The following GAB1 variants were observed in gnomAD, a reference collection of about 807,000 sequenced individuals.
GAB1 encodes GRB2-associated-binding protein 1.
Under a neutral mutation model 66.5 loss-of-function variants are expected in GAB1, and 19 were observed. The observed-to-expected ratio is 0.29, with a 90% CI of 0.20 to 0.42. The LOEUF (loss-of-function observed/expected upper bound fraction) is 0.42. Ranked by LOEUF, GAB1 falls within the 10% of genes least tolerant of loss-of-function variation. GAB1 has a pLI of 1.00. For missense variants in GAB1, 732 were observed against 858.5 expected (o/e 0.85, Z 1.84); for synonymous variants, 294 against 301.4 (o/e 0.98, Z 0.25).
intron 1 of GAB1, among the ~76,000 whole-genome samples, chr4:143,346,176 T>A (rs1016053110): frequency 6.6e-6 from 1 of 152,258 alleles, no homozygotes; most frequent in Non-Finnish European, 1.5e-5. Context: ...TCCCAATCTT[T>A]ACACACACAT....
chr4:143,378,015 C>T (rs1387191712), intron 1 of GAB1, among the ~76,000 whole-genome samples: 2 of 152,064 alleles, frequency 1.3e-5, no homozygotes, highest in Non-Finnish European at 2.9e-5. Context: ...TATTAGCCCT[C>T]AAAGATTATT....
intron 9 of GAB1, among the ~76,000 whole-genome samples, chr4:143,468,185 T>TCATGGAAG (rs1168794421): frequency 2.4e-4 from 36 of 151,290 alleles, no homozygotes; most frequent in African/African-American, 8.2e-4. Flanking sequence ...ATTTCATCTG[T>TCATGGAAG]CATGGAAGCA....
At chr4:143,394,637 A>G (rs945336078) in intron 1 of GAB1, among the ~76,000 whole-genome samples, 2 of 152,104 alleles carry the variant, frequency 1.3e-5, no homozygotes, top group Admixed American at 6.6e-5. Flanking sequence ...ATCATCATCA[A>G]ACATTTTTTG....
chr4:143,382,984 A>G (rs1161696412), intron 1 of GAB1, among the ~76,000 whole-genome samples: 1 of 152,214 alleles, frequency 6.6e-6, no homozygotes, highest in East Asian at 1.9e-4. Context: ...AAATTGTGAC[A>G]TGCATGCACT....
chr4:143,465,978 GTTGT>G (rs1735758900), intron 8 of GAB1, 121 bp from the exon 9 acceptor site: 2 of 963,868 alleles, frequency 2.1e-6, no homozygotes, highest in Non-Finnish European at 3.1e-6. Context: ...ATCCTAAAAG[GTTGT>G]TTAACTTTTT....
intron 1 of GAB1, among the ~76,000 whole-genome samples, chr4:143,386,721 A>G (rs116534176): frequency 5.0e-4 from 76 of 152,330 alleles, no homozygotes; most frequent in African/African-American, 1.7e-3. Flanking sequence ...AATTTTGTAT[A>G]TGAAACAAAT....
chr4:143,410,832 G>A (rs561090720), intron 1 of GAB1, among the ~76,000 whole-genome samples: 6 of 152,188 alleles, frequency 3.9e-5, no homozygotes, highest in Admixed American at 1.3e-4. Context: ...TTTGTATTGC[G>A]TATTTAGCAG....
At chr4:143,434,539 A>G (rs1733844506) in intron 3 of GAB1, among the ~76,000 whole-genome samples, 1 of 151,704 alleles carries the variant, frequency 6.6e-6, no homozygotes, top group Non-Finnish European at 1.5e-5. Context: ...TTTTCTTTGT[A>G]GTGACGAGGT....
At chr4:143,389,130 C>G (rs1429505904) in intron 1 of GAB1, among the ~76,000 whole-genome samples, 1 of 152,206 alleles carries the variant, frequency 6.6e-6, no homozygotes, top group East Asian at 1.9e-4. Flanking sequence ...CTTCATCTTT[C>G]CGCAGTTGGT....
chr4:143,442,811 T>C (rs17017788), intron 6 of GAB1, among the ~76,000 whole-genome samples: 4,528 of 152,058 alleles, frequency 0.03, 231 homozygotes, highest in African/African-American at 0.1. Flanking sequence ...TTAACTGAAC[T>C]GTTCAGAGAC....
chr4:143,385,874 T>C (rs1346185481), intron 1 of GAB1, among the ~76,000 whole-genome samples: 1 of 152,182 alleles, frequency 6.6e-6, no homozygotes, highest in Non-Finnish European at 1.5e-5. Context: ...TTATGGTAGC[T>C]CATGCCTGTA....
chr4:143,384,769 T>C (rs1302054123), intron 1 of GAB1, among the ~76,000 whole-genome samples: 2 of 151,996 alleles, frequency 1.3e-5, no homozygotes, highest in African/African-American at 4.8e-5. Flanking sequence ...AAGGAGGAGG[T>C]GATGGCAGTA....
At chr4:143,421,304 T>A (rs1190370103) in intron 2 of GAB1, among the ~76,000 whole-genome samples, 1 of 152,138 alleles carries the variant, frequency 6.6e-6, no homozygotes, top group African/African-American at 2.4e-5. Flanking sequence ...ATTCTAGTGT[T>A]GATTGATGTT....
chr4:143,342,543 CTTTTTTTTTTTTT>C (rs5862632), intron 1 of GAB1, among the ~76,000 whole-genome samples: 4 of 62,486 alleles, frequency 6.4e-5, no homozygotes, highest in Non-Finnish European at 8.7e-5. Context: ...GTGATAGATT[CTTTTTTTTTTTTT>C]TTTTTTTTTT....
chr4:143,462,361 T>C (rs1322832711), intron 8 of GAB1, among the ~76,000 whole-genome samples: 2 of 152,194 alleles, frequency 1.3e-5, no homozygotes, highest in African/African-American at 4.8e-5. Context: ...TTGAGTGAAC[T>C]GTTTTCTTAT....
chr4:143,337,217 GA>G lies in GAB1; in HGVS notation c.30del (p.Trp11GlyfsTer11), dbSNP rs1419854579. The G allele has an allele frequency of 3.2e-6, 5 of 1,585,900 alleles. No homozygotes were observed. The highest frequency in any genetic ancestry group is 1.3e-5 in the African/African-American group (1 of 74,694). MSGGEVVCS[G>X]WLRKSPPEKK... ...AGCGGTGGTGAAGTGGTCTGCTCCGGATGGCTCCGCAAGTCCCCCCCGGAGA... is the reference window on the plus strand; with the variant it reads ...AGCGGTGGTGAAGTGGTCTGCTCCGGTGGCTCCGCAAGTCCCCCCCGGAGA... On this transcript the variant is annotated frameshift_variant, in exon 1 of 10. Transcript: ENST00000262994. LOFTEE classifies it high-confidence loss of function.
rs181799464 is a variant in GAB1, at chr4:143,403,760, G to A, written c.73-11717G>A. 1.8e-3 allele frequency among the ~76,000 whole-genome samples: 280 copies of A among 152,280 alleles called. 2 individuals are homozygous for A. Among genetic ancestry groups the A allele is most frequent in the African/African-American group, 6.4e-3 (266 of 41,552 alleles). The stretch of plus-strand genomic sequence containing the variant: ...TACTTAGTCCTTCTCTTTAGATGAA[G>A]TTATTCATTCTTGCTTATTGGACTT... On this transcript the variant is annotated intron_variant, in intron 1 of 9. Coordinates refer to ENST00000262994, the MANE Select transcript of GAB1 (RefSeq NM_002039.4).
intron 1 of GAB1, among the ~76,000 whole-genome samples, chr4:143,373,123 A>G (rs1730215155): frequency 6.6e-6 from 1 of 152,118 alleles, no homozygotes; most frequent in Non-Finnish European, 1.5e-5. Flanking sequence ...CTGTAAAGCC[A>G]GGTCTCCAGC....
chr4:143,433,712 A>C lies in GAB1; in HGVS notation c.589A>C (p.Thr197Pro). ...INCQSKKPEP[T>P]RTHADSAKST... Reference sequence around the variant, plus strand: ...CTGTCAAAGCAAGAAGCCCGAACCCACCAGGTAAATTATATATGCCCATGT... The same window carrying C: ...CTGTCAAAGCAAGAAGCCCGAACCCCCCAGGTAAATTATATATGCCCATGT... The change falls in exon 3 of 10, where the codon ACC (threonine) becomes CCC (proline). Residue 197 changes from threonine (T) to proline (P), a missense_variant. Coordinates refer to ENST00000262994, the MANE Select transcript of GAB1 (RefSeq NM_002039.4). The C allele has an allele frequency of 1.2e-6, 2 of 1,612,306 alleles. No homozygotes were observed. Among genetic ancestry groups the C allele is most frequent in the Non-Finnish European group, 1.7e-6 (2 of 1,178,444 alleles).
Sources: allele counts gnomAD v4.1 joint callset (sites outside exome capture counted in the v4.1 genomes callset), GRCh38; gene constraint gnomAD v4.1.1; transcripts MANE v1.5; gene names NCBI Gene and HGNC (gene_info 2026-07-23, HGNC 2026-07-21).